Variants in RCC1 observed in about 807,000 individuals in gnomAD.
RCC1 encodes the protein regulator of chromosome condensation.
A neutral mutation model predicts 44.4 loss-of-function variants in RCC1; 11 were observed. That is an observed-to-expected ratio of 0.25 (90% confidence interval 0.16 to 0.41). The LOEUF (loss-of-function observed/expected upper bound fraction) is 0.41, where lower values mean the gene tolerates loss of function less well. Ranked by LOEUF, RCC1 falls within the 10% of genes least tolerant of loss-of-function variation. The probability of loss-of-function intolerance (pLI) is 1.00; values close to 1 mark genes in which losing one functional copy is unlikely to be tolerated. For missense variants in RCC1, 386 were observed against 547.1 expected (o/e 0.71, Z 2.94); for synonymous variants, 213 against 216.5 (o/e 0.98, Z 0.14).
intron 7 of RCC1, among the ~76,000 whole-genome samples, chr1:28,533,835 C>T (rs368807988): frequency 2.4e-3 from 82 of 34,836 alleles, no homozygotes; most frequent in Admixed American, 4.7e-3. Context: ...TTTTTCTTTT[C>T]TTTTCTTTTC....
chr1:28,522,871 C>T (rs937187822), intron 4 of RCC1, among the ~76,000 whole-genome samples: 3 of 151,048 alleles, frequency 2.0e-5, no homozygotes, highest in Admixed American at 6.6e-5. Flanking sequence ...TTATTGATCA[C>T]GAATGACTTG....
In RCC1 at chr1:28,536,649, GAC is replaced by G; in HGVS notation, c.938-93_938-92del. 2 of 1,410,144 alleles carry G rather than the reference GAC, an allele frequency of 1.4e-6. No individual in the cohort carries two copies. The highest frequency in any genetic ancestry group is 4.6e-5 in the East Asian group (2 of 43,600). 87.4% of individuals were successfully genotyped at this position (1,410,144 alleles called of 1,614,324 possible). On this transcript the variant is annotated intron_variant, in intron 11 of 12. Transcript: ENST00000683442. The surrounding 1 kb of genome is among the most constrained non-coding windows in gnomAD (Gnocchi z 4.9). ...TCCTTCTGATCGCTCTGGGAGCAGG[GAC>G]ACACTCCCATGGACAGGTGGACTCA...
intron 5 of RCC1, among the ~76,000 whole-genome samples, chr1:28,530,206 G>A (rs1228236712): frequency 1.3e-5 from 2 of 151,736 alleles, no homozygotes; most frequent in African/African-American, 2.4e-5. Flanking sequence ...CCCAGGCAGT[G>A]ATGCATTATG....
At chr1:28,525,206 C>T (rs1165884580) in intron 4 of RCC1, among the ~76,000 whole-genome samples, 2 of 152,136 alleles carry the variant, frequency 1.3e-5, no homozygotes, top group South Asian at 2.1e-4. Flanking sequence ...CTTTTCCATA[C>T]GATGTCTGGA....
chr1:28,534,168 C>T (rs1232603117), intron 7 of RCC1, among the ~76,000 whole-genome samples: 1 of 151,758 alleles, frequency 6.6e-6, no homozygotes, highest in East Asian at 2.0e-4. Context: ...TGAGCCGCCA[C>T]GTCTGGCCTC....
intron 4 of RCC1, among the ~76,000 whole-genome samples, chr1:28,520,941 G>A (rs1209181613): frequency 2.6e-5 from 4 of 152,206 alleles, no homozygotes; most frequent in South Asian, 2.1e-4. Context: ...TTAGCCAGGC[G>A]TGGTGGCTTG....
chr1:28,509,856 G>A (rs1662369945), intron 3 of RCC1: 1 of 152,180 alleles, frequency 6.6e-6, no homozygotes, highest in Admixed American at 6.6e-5. Flanking sequence ...TGCAAGATGA[G>A]TTAGACCGAT....
At chr1:28,518,095 CA>C (rs912040234) in intron 4 of RCC1, 2 of 152,156 alleles carry the variant, frequency 1.3e-5, no homozygotes, top group Non-Finnish European at 2.9e-5. Context: ...CCAGGGGAGC[CA>C]GCCTGGCCAA....
At chr1:28,509,112 CTT>C (rs891459021) in intron 3 of RCC1, 8 of 328,782 alleles carry the variant, frequency 2.4e-5, no homozygotes, top group African/African-American at 6.5e-5. Context: ...CCTCATACCT[CTT>C]TTAAAAGTCG....
intron 4 of RCC1, among the ~76,000 whole-genome samples, chr1:28,523,831 G>A (rs1663459382): frequency 6.6e-6 from 1 of 152,030 alleles, no homozygotes; most frequent in South Asian, 2.1e-4. Context: ...TTTTTTTGGT[G>A]GAGGGACAGA....
chr1:28,535,024 A>G lies in RCC1; in HGVS notation c.442-26A>G, dbSNP rs753086631. The stretch of plus-strand genomic sequence containing the variant: ...GGCACGGGGCAGGCAGGACTGGCTG[A>G]TAAGTGCCCTGTCCCTCCCTTCTAG... On this transcript the variant is annotated intron_variant, in intron 7 of 12. Transcript: ENST00000683442. The G allele has an allele frequency of 3.8e-6, 6 of 1,591,786 alleles. No homozygotes were observed. The East Asian group carries it at 1.1e-4, about 30-fold the overall frequency.
intron 4 of RCC1, among the ~76,000 whole-genome samples, chr1:28,519,368 G>A (rs1209842815): frequency 6.6e-6 from 1 of 152,144 alleles, no homozygotes; most frequent in African/African-American, 2.4e-5. Context: ...TTTCCCCCAA[G>A]AAGGGTATCA....
chr1:28,514,138 CAG>C (rs1389885777), intron 3 of RCC1, among the ~76,000 whole-genome samples: 4 of 149,718 alleles, frequency 2.7e-5, no homozygotes, highest in East Asian at 3.9e-4. Flanking sequence ...GCCTAGGCAA[CAG>C]AGCAAGACTC....
chr1:28,515,189 C>G (rs1370156367), intron 3 of RCC1, among the ~76,000 whole-genome samples: 2 of 152,064 alleles, frequency 1.3e-5, no homozygotes, highest in Non-Finnish European at 2.9e-5. Context: ...ACTCGGGAGG[C>G]TGAAACAGGA....
chr1:28,510,550 G>A (rs573373414), intron 3 of RCC1: 3 of 152,344 alleles, frequency 2.0e-5, no homozygotes, highest in Admixed American at 2.0e-4. Context: ...GTTGTACTGA[G>A]CTGAGACCTT....
At chr1:28,507,405 C>G (rs764552060) in intron 1 of RCC1, 9 of 518,992 alleles carry the variant, frequency 1.7e-5, no homozygotes, top group Admixed American at 3.9e-5. Flanking sequence ...TCCCCGGGCT[C>G]TGTCCAAGTG....
Position 28,538,102 on chromosome 1 carries a change from G to A in RCC1, c.*95G>A, listed in dbSNP as rs1664668590. On this transcript the variant is annotated 3_prime_UTR_variant, in exon 13 of 13. Coordinates refer to ENST00000683442, the MANE Select transcript of RCC1 (RefSeq NM_001381865.2). ...GCAGATGGCAGCGGGCCTCTCCCCAGCCCTGAGCACTGTGTCAGTTCCTGC... is the reference window on the plus strand; with the variant it reads ...GCAGATGGCAGCGGGCCTCTCCCCAACCCTGAGCACTGTGTCAGTTCCTGC... The A allele has an allele frequency of 8.7e-7, 1 of 1,143,712 alleles. No homozygotes were observed. The highest frequency in any genetic ancestry group is 2.4e-5 in the Admixed American group (1 of 41,264). The allele number at this position is 1,143,712 out of a possible 1,614,324, so 70.8% of individuals were successfully genotyped here.
chr1:28,529,751 T>C lies in RCC1; in HGVS notation c.-9-107T>C, dbSNP rs1663989787. 6 of 811,436 alleles carry C rather than the reference T, an allele frequency of 7.4e-6. 1 individual carries two copies. The highest frequency in any genetic ancestry group is 6.9e-5 in the African/African-American group (4 of 58,368). The allele number at this position is 811,436 out of a possible 1,614,324, so 50.3% of individuals were successfully genotyped here. A position where few individuals can be genotyped will look rare whatever the true frequency, so the allele number is the denominator to read the frequency against. On this transcript the variant is annotated intron_variant, in intron 4 of 12. Transcript: ENST00000683442. ...GGATACATTTTGAGAAGTGGAATTG[T>C]TGGGCAATTCCTCTTAACGTATTTC...
intron 4 of RCC1, among the ~76,000 whole-genome samples, chr1:28,520,818 C>G (rs1663221160): frequency 6.6e-6 from 1 of 152,210 alleles, no homozygotes; most frequent in Non-Finnish European, 1.5e-5. Flanking sequence ...TGGCTCACGA[C>G]TGTAACCCCA....
Sources: gnomAD v4.1 joint callset for allele counts (sites outside exome capture counted in the v4.1 genomes callset) on GRCh38, gnomAD v4.1.1 for gene constraint, Gnocchi (gnomAD v3.1) non-coding constraint, MANE v1.5 for transcripts, NCBI Gene and HGNC (gene_info 2026-07-23, HGNC 2026-07-21) for gene names.